The following ARMH3 variants were observed in gnomAD, a reference collection of about 807,000 sequenced individuals.
ARMH3 encodes armadillo-like helical domain-containing protein 3.
In ARMH3, 60 loss-of-function variants were observed where a neutral mutation model predicts 99.1. That is an observed-to-expected ratio of 0.61 (90% CI 0.49 to 0.75). ARMH3 has a LOEUF of 0.75. Ranked by LOEUF, ARMH3 falls within the 30% of genes least tolerant of loss-of-function variation. The pLI, the probability that ARMH3 is intolerant of heterozygous loss-of-function variation, is 0.00. For synonymous variants in ARMH3, 285 were observed against 292.8 expected (o/e 0.97, Z 0.27); for missense variants, 679 against 843.1 (o/e 0.81, Z 2.41).
chr10:101,967,887 A>G (rs1191721453), intron 20 of ARMH3, among the ~76,000 whole-genome samples: 2 of 152,198 alleles, frequency 1.3e-5, no homozygotes, highest in Admixed American at 1.3e-4. Flanking sequence ...CAGCCTCTCC[A>G]GGTGAACACA....
intron 19 of ARMH3, among the ~76,000 whole-genome samples, chr10:101,987,454 G>A (rs1311987902): frequency 6.6e-6 from 1 of 152,126 alleles, no homozygotes; most frequent in Non-Finnish European, 1.5e-5. Flanking sequence ...TCACAGACAT[G>A]ATTAAGAGAA....
chr10:101,885,398 T>C (rs941768117), intron 24 of ARMH3, among the ~76,000 whole-genome samples: 11 of 152,230 alleles, frequency 7.2e-5, no homozygotes, highest in African/African-American at 2.7e-4. Context: ...TGTCCACCAA[T>C]GGATGAATAA....
In ARMH3 at chr10:101,847,077, A is replaced by G. The variant is rs896769813; in HGVS notation, c.*451T>C. ...GGGACACAGATTTCAAGCCAAGCAC[A>G]GCCCCAGGCCCAAAGGAAGCAGGAT... On this transcript the variant is annotated 3_prime_UTR_variant, in exon 26 of 26. Coordinates refer to ENST00000370033, the MANE Select transcript of ARMH3 (RefSeq NM_024541.3). 1.3e-5 allele frequency: 2 copies of G among 158,954 alleles called. No individual in the cohort carries two copies. Among genetic ancestry groups the G allele is most frequent in the African/African-American group, 2.4e-5 (1 of 41,618 alleles). The allele number at this position is 158,954 out of a possible 1,614,324, so 9.8% of individuals were successfully genotyped here.
chr10:101,982,308 C>T (rs1268116436), intron 19 of ARMH3, among the ~76,000 whole-genome samples: 1 of 151,892 alleles, frequency 6.6e-6, no homozygotes, highest in Non-Finnish European at 1.5e-5. Flanking sequence ...ATTGCTTGAA[C>T]CCGGGAGGCG....
At chr10:101,964,975 G>C (rs1272088003) in intron 20 of ARMH3, among the ~76,000 whole-genome samples, 1 of 151,896 alleles carries the variant, frequency 6.6e-6, no homozygotes. Context: ...TTGCACCACT[G>C]CACTCCCACC....
chr10:101,930,872 C>T lies in ARMH3; in HGVS notation c.1781+8991G>A, dbSNP rs117677076. Among the ~76,000 whole-genome samples the T allele has an allele frequency of 5.9e-4, 90 of 152,238 alleles. 1 individual carries two copies. The East Asian group carries it at 0.017, about 29-fold the overall frequency. ...ACATGTATATAGCACTGAATATGTG[C>T]CAGGCACTATTCTACATGCTTTATA... On this transcript the variant is annotated intron_variant, in intron 23 of 25. Coordinates refer to ENST00000370033, the MANE Select transcript of ARMH3 (RefSeq NM_024541.3).
intron 23 of ARMH3, among the ~76,000 whole-genome samples, chr10:101,893,798 A>C (rs1381519000): frequency 6.6e-6 from 1 of 152,192 alleles, no homozygotes; most frequent in African/African-American, 2.4e-5. Context: ...ATTACCTTCA[A>C]AATGTACACT....
chr10:101,890,400 T>C (rs2067660913), intron 23 of ARMH3, among the ~76,000 whole-genome samples: 1 of 152,036 alleles, frequency 6.6e-6, no homozygotes, highest in South Asian at 2.1e-4. Flanking sequence ...TGTGCCAGCA[T>C]GCCCGGCTAA....
intron 23 of ARMH3, among the ~76,000 whole-genome samples, chr10:101,939,451 C>T (rs1844137091): frequency 6.6e-6 from 1 of 152,132 alleles, no homozygotes; most frequent in Non-Finnish European, 1.5e-5. Context: ...ACTCCAATTG[C>T]CTCTGTTTAC....
chr10:102,048,092 C>G (rs2067602312), intron 1 of ARMH3, among the ~76,000 whole-genome samples: 1 of 152,150 alleles, frequency 6.6e-6, no homozygotes, highest in South Asian at 2.1e-4. Flanking sequence ...CAGCCTTAAA[C>G]CAGACTTGGA....
intron 23 of ARMH3, among the ~76,000 whole-genome samples, chr10:101,896,734 G>A (rs1450051588): frequency 1.3e-5 from 2 of 152,186 alleles, no homozygotes; most frequent in Non-Finnish European, 2.9e-5. Context: ...GATGGCAGTA[G>A]GAAAAGGAGC....
intron 8 of ARMH3, among the ~76,000 whole-genome samples, chr10:102,021,806 A>C (rs542782269): frequency 1.3e-5 from 2 of 152,244 alleles, no homozygotes; most frequent in East Asian, 3.9e-4. Flanking sequence ...TCAGCCTCCC[A>C]AAGTGCTGGG....
intron 24 of ARMH3, among the ~76,000 whole-genome samples, chr10:101,858,436 C>T (rs1285458956): frequency 3.3e-5 from 5 of 152,190 alleles, no homozygotes; most frequent in African/African-American, 9.6e-5. Flanking sequence ...GTATTGAAAG[C>T]TTTCTATGCT....
intron 24 of ARMH3, among the ~76,000 whole-genome samples, chr10:101,887,950 G>A (rs2067593242): frequency 6.6e-6 from 1 of 151,796 alleles, no homozygotes; most frequent in Non-Finnish European, 1.5e-5. Flanking sequence ...TGCCAGAAAG[G>A]ATTTTTATTA....
intron 23 of ARMH3, among the ~76,000 whole-genome samples, chr10:101,933,383 T>C (rs1005338819): frequency 3.3e-5 from 5 of 152,238 alleles, no homozygotes; most frequent in African/African-American, 4.8e-5. Context: ...TAATTATGAA[T>C]GTCTGAATCT....
chr10:101,955,647 T>G (rs1844996825), intron 22 of ARMH3, among the ~76,000 whole-genome samples: 1 of 152,176 alleles, frequency 6.6e-6, no homozygotes, highest in South Asian at 2.1e-4. Flanking sequence ...AAGGAGAGGT[T>G]GGGATTTTCA....
At chr10:101,975,091 GA>G (rs1845935970) in intron 20 of ARMH3, 120 bp downstream of exon 20, 1 of 191,152 alleles carries the variant, frequency 5.2e-6, no homozygotes, top group African/African-American at 3.0e-5. Flanking sequence ...AAGAGTAACT[GA>G]AAATAAAGGC....
chr10:101,872,235 G>A (rs567059371), intron 24 of ARMH3, among the ~76,000 whole-genome samples: 1 of 150,782 alleles, frequency 6.6e-6, no homozygotes, highest in Non-Finnish European at 1.5e-5. Flanking sequence ...GTGTGTGTGT[G>A]TGTCTGTGTA....
intron 20 of ARMH3, among the ~76,000 whole-genome samples, chr10:101,973,265 G>A (rs1200018697): frequency 2.6e-5 from 4 of 151,342 alleles, no homozygotes; most frequent in Non-Finnish European, 5.9e-5. Context: ...AGGAGGGTGA[G>A]GCAGGAGAAT....
Sources: gnomAD v4.1 joint callset for allele counts (sites outside exome capture counted in the v4.1 genomes callset) on GRCh38, gnomAD v4.1.1 for gene constraint, MANE v1.5 for transcripts, NCBI Gene and HGNC (gene_info 2026-07-23, HGNC 2026-07-21) for gene names.